The following NPSR1 variants were observed in gnomAD, a reference collection of about 807,000 sequenced individuals.
NPSR1 encodes the protein neuropeptide S receptor.
Under a neutral mutation model 46.9 loss-of-function variants are expected in NPSR1, and 48 were observed. The observed-to-expected ratio is 1.02, with a 90% CI of 0.81 to 1.30. The LOEUF is 1.30. Among genes scored for constraint, NPSR1 ranks in the 50% most tolerant of loss-of-function variants. NPSR1 has a pLI of 0.00. For missense variants in NPSR1, 450 were observed against 449.5 expected (o/e 1.00, Z -0.01); for synonymous variants, 176 against 168.1 (o/e 1.05, Z -0.36).
intron 1 of NPSR1, among the ~76,000 whole-genome samples, chr7:34,658,771 T>C (rs575234451): frequency 2.0e-5 from 3 of 152,248 alleles, no homozygotes; most frequent in Non-Finnish European, 4.4e-5. Flanking sequence ...GTGACGTTTT[T>C]CTTTCTGATG....
chr7:34,823,529 A>G (rs564501062), intron 4 of NPSR1, among the ~76,000 whole-genome samples: 2 of 152,262 alleles, frequency 1.3e-5, no homozygotes, highest in South Asian at 4.1e-4. Context: ...TAACAAGATT[A>G]AAAGGAAGAA....
intron 1 of NPSR1, among the ~76,000 whole-genome samples, chr7:34,671,348 AT>A (rs1364067670): frequency 6.6e-6 from 1 of 152,190 alleles, no homozygotes; most frequent in East Asian, 1.9e-4. Flanking sequence ...GAGTGAGCAC[AT>A]ATTATATTTA....
At chr7:34,689,715 G>A (rs937823603) in intron 2 of NPSR1, among the ~76,000 whole-genome samples, 8 of 151,280 alleles carry the variant, frequency 5.3e-5, no homozygotes, top group African/African-American at 9.7e-5. Context: ...TGCTAAGGCC[G>A]GCAAATCACT....
chr7:34,822,147 G>A (rs1789587713), intron 4 of NPSR1, among the ~76,000 whole-genome samples: 1 of 152,200 alleles, frequency 6.6e-6, no homozygotes, highest in African/African-American at 2.4e-5. Context: ...AGTTTATAGG[G>A]TGAGGGCAGC....
At chr7:34,849,416 A>T in intron 8 of NPSR1, 149 bp from the exon 9 acceptor site, 1 of 1,565,418 alleles carries the variant, frequency 6.4e-7, no homozygotes, top group Admixed American at 1.9e-5. Context: ...AGTCATGGAG[A>T]AGGAAGGTCA....
chr7:34,735,676 T>A (rs933436771), intron 2 of NPSR1, among the ~76,000 whole-genome samples: 6 of 152,246 alleles, frequency 3.9e-5, no homozygotes, highest in African/African-American at 1.4e-4. Context: ...AATGTTCATT[T>A]CTTTGAAACA....
chr7:34,749,395 G>A (rs185966182), intron 2 of NPSR1, among the ~76,000 whole-genome samples: 25 of 152,298 alleles, frequency 1.6e-4, no homozygotes, highest in Admixed American at 7.2e-4. Context: ...GAGAGGTAAA[G>A]GAAGATGTTC....
At chr7:34,671,970 G>T (rs1372034193) in intron 1 of NPSR1, among the ~76,000 whole-genome samples, 2 of 152,102 alleles carry the variant, frequency 1.3e-5, no homozygotes, top group African/African-American at 4.8e-5. Context: ...ATTCCTGAAG[G>T]TTTATTATTT....
intron 2 of NPSR1, among the ~76,000 whole-genome samples, chr7:34,740,570 G>A (rs1170818184): frequency 6.6e-6 from 1 of 152,118 alleles, no homozygotes; most frequent in African/African-American, 2.4e-5. Context: ...GAGCCCACAG[G>A]GCTTTCCTGC....
intron 3 of NPSR1, among the ~76,000 whole-genome samples, chr7:34,788,332 C>T (rs1787561295): frequency 6.7e-6 from 1 of 148,702 alleles, no homozygotes; most frequent in African/African-American, 2.5e-5. Context: ...CAGAAGAAGA[C>T]AGGAAAAATA....
intron 2 of NPSR1, among the ~76,000 whole-genome samples, chr7:34,729,632 A>C (rs892168844): frequency 3.0e-4 from 46 of 152,366 alleles, no homozygotes; most frequent in African/African-American, 1.1e-3. Context: ...ATGTAATTAA[A>C]GAAGATGATT....
intron 3 of NPSR1, among the ~76,000 whole-genome samples, chr7:34,793,472 T>C (rs1199201888): frequency 6.6e-6 from 1 of 152,080 alleles, no homozygotes; most frequent in Non-Finnish European, 1.5e-5. Flanking sequence ...TACGAAAATA[T>C]GCTTAACATC....
chr7:34,744,807 A>G (rs549642600), intron 2 of NPSR1, among the ~76,000 whole-genome samples: 48 of 152,326 alleles, frequency 3.2e-4, no homozygotes, highest in African/African-American at 1.1e-3. Context: ...TGTTTTCATT[A>G]TCTGAGTACA....
At chr7:34,781,358 A>G (rs184087082) in intron 3 of NPSR1, among the ~76,000 whole-genome samples, 1 of 152,332 alleles carries the variant, frequency 6.6e-6, no homozygotes, top group East Asian at 1.9e-4. Context: ...TCACAAACTA[A>G]AATAGCCCAG....
intron 4 of NPSR1, among the ~76,000 whole-genome samples, chr7:34,818,920 A>C (rs1789399108): frequency 6.6e-6 from 1 of 152,232 alleles, no homozygotes; most frequent in Non-Finnish European, 1.5e-5. Context: ...AAATTAACTC[A>C]AGATGGATTA....
chr7:34,861,227 T>A (rs760612106), intron 8 of NPSR1, among the ~76,000 whole-genome samples: 2 of 151,954 alleles, frequency 1.3e-5, no homozygotes, highest in Non-Finnish European at 2.9e-5. Flanking sequence ...TGATGGCATT[T>A]GCCAGGGTTC....
At chr7:34,850,470 G>A (rs1002964028), downstream of NPSR1, among the ~76,000 whole-genome samples, 4 of 147,576 alleles carry the variant, frequency 2.7e-5, no homozygotes, top group African/African-American at 1.0e-4. Context: ...GCACGATCTC[G>A]GCTCACTGCG....
chr7:34,779,413 T>C (rs1787127721), intron 3 of NPSR1: 1 of 296,992 alleles, frequency 3.4e-6, no homozygotes, highest in South Asian at 1.6e-4. Flanking sequence ...TATAGCTTTA[T>C]GTATATATAA....
intron 3 of NPSR1, among the ~76,000 whole-genome samples, chr7:34,792,677 A>G (rs369951438): frequency 0.035 from 3,103 of 88,530 alleles, 132 homozygotes; most frequent in Non-Finnish European, 0.053. Context: ...ATATATATGT[A>G]TATATATATA....
Sources: allele counts gnomAD v4.1 joint callset (sites outside exome capture counted in the v4.1 genomes callset), GRCh38; gene constraint gnomAD v4.1.1; transcripts MANE v1.5; gene names NCBI Gene and HGNC (gene_info 2026-07-23, HGNC 2026-07-21).